Variants in ZNF521 observed in about 807,000 individuals in gnomAD.
ZNF521 encodes zinc finger protein 521, also known as LYST-interacting protein 3.
In ZNF521, 14 loss-of-function variants were observed where a neutral mutation model predicts 105.5. The ratio of observed to expected loss-of-function variants is 0.13; its 90% CI spans 0.09 to 0.21. The LOEUF is 0.21. Ranked by LOEUF, ZNF521 falls within the 10% of genes least tolerant of loss-of-function variation. The pLI is 1.00. For missense variants in ZNF521, 1,233 were observed against 1,629.7 expected (o/e 0.76, Z 4.19); for synonymous variants, 635 against 606.0 (o/e 1.05, Z -0.70).
intron 3 of ZNF521, among the ~76,000 whole-genome samples, chr18:25,262,032 T>C (rs746992484): frequency 3.5e-4 from 53 of 152,286 alleles, no homozygotes; most frequent in Non-Finnish European, 6.8e-4. Flanking sequence ...TAAGAGACAG[T>C]AGCACAATGG....
At chr18:25,203,237 T>C (rs1409556976) in intron 4 of ZNF521, among the ~76,000 whole-genome samples, 1 of 152,154 alleles carries the variant, frequency 6.6e-6, no homozygotes, top group African/African-American at 2.4e-5. Context: ...GACAGATTAA[T>C]ATGGTCTGGA....
At chr18:25,076,517 C>T (rs1389561442) in intron 7 of ZNF521, among the ~76,000 whole-genome samples, 1 of 152,120 alleles carries the variant, frequency 6.6e-6, no homozygotes, top group African/African-American at 2.4e-5. Context: ...GTGCTGGAAG[C>T]TTTTTATATC....
At chr18:25,181,576 TATTTTG>T (rs1315820366) in intron 5 of ZNF521, among the ~76,000 whole-genome samples, 3 of 152,188 alleles carry the variant, frequency 2.0e-5, no homozygotes, top group Non-Finnish European at 4.4e-5. Flanking sequence ...CCTAACCAGC[TATTTTG>T]ATCAGATGAA....
intron 3 of ZNF521, among the ~76,000 whole-genome samples, chr18:25,319,998 G>C (rs1230947484): frequency 6.6e-6 from 1 of 152,090 alleles, no homozygotes; most frequent in Admixed American, 6.5e-5. Flanking sequence ...GAAAGACAGA[G>C]GCTGAGAGAA....
chr18:25,063,646 C>T (rs1172618756), intron 7 of ZNF521, among the ~76,000 whole-genome samples: 3 of 152,086 alleles, frequency 2.0e-5, no homozygotes, highest in Non-Finnish European at 2.9e-5. Flanking sequence ...AGGCAGTTTG[C>T]TAGTTGCTGT....
At chr18:25,228,497 A>G (rs1906319461) in intron 3 of ZNF521, among the ~76,000 whole-genome samples, 1 of 152,236 alleles carries the variant, frequency 6.6e-6, no homozygotes, top group Admixed American at 6.5e-5. Context: ...TTAATAGTGT[A>G]TTTTGTTTGG....
intron 7 of ZNF521, among the ~76,000 whole-genome samples, chr18:25,065,799 C>G (rs1015922302): frequency 6.6e-6 from 1 of 152,158 alleles, no homozygotes; most frequent in Non-Finnish European, 1.5e-5. Context: ...GAACCCAAAA[C>G]AAACTGCCCA....
At chr18:25,271,691 G>T (rs1909671932) in intron 3 of ZNF521, among the ~76,000 whole-genome samples, 1 of 152,168 alleles carries the variant, frequency 6.6e-6, no homozygotes, top group South Asian at 2.1e-4. Flanking sequence ...TTAATAAATG[G>T]TGTTGGGAAA....
chr18:25,191,118 A>C (rs2035810340), intron 5 of ZNF521, among the ~76,000 whole-genome samples: 1 of 152,174 alleles, frequency 6.6e-6, no homozygotes, highest in African/African-American at 2.4e-5. Flanking sequence ...TATCTTTTAC[A>C]AAACGGGGTA....
chr18:25,327,884 C>CA lies in ZNF521; in HGVS notation c.41-5698dup, dbSNP rs756579633. On this transcript the variant is annotated intron_variant, in intron 2 of 7. Coordinates refer to ENST00000361524, the MANE Select transcript of ZNF521 (RefSeq NM_015461.3). ...AACAAACAAACACAACACAAACAAA[C>CA]AAAAAAAGCAATCGATGGGGTGGCT... is the stretch of plus-strand genomic sequence containing the variant. 5.3e-5 allele frequency among the ~76,000 whole-genome samples: 8 copies of CA among 152,040 alleles called. No individual in the cohort carries two copies. The East Asian group carries it at 1.5e-3, about 29-fold the overall frequency.
chr18:25,348,442 T>C (rs891491350), intron 2 of ZNF521, among the ~76,000 whole-genome samples: 1 of 152,196 alleles, frequency 6.6e-6, no homozygotes, highest in African/African-American at 2.4e-5. Flanking sequence ...ATAGCTCATC[T>C]ACATATGAAT....
chr18:25,256,964 A>T (rs1426299194), intron 3 of ZNF521, among the ~76,000 whole-genome samples: 4 of 152,106 alleles, frequency 2.6e-5, no homozygotes. Flanking sequence ...GGCACCACAG[A>T]TGTAGTTAAA....
At chr18:25,249,539 G>T (rs1424921453) in intron 3 of ZNF521, among the ~76,000 whole-genome samples, 1 of 151,698 alleles carries the variant, frequency 6.6e-6, no homozygotes, top group Non-Finnish European at 1.5e-5. Flanking sequence ...TTGGCTCACT[G>T]CAGCCTCTGC....
chr18:25,117,082 C>CACACACAT (rs1449131209), intron 5 of ZNF521, among the ~76,000 whole-genome samples: 3,414 of 81,224 alleles, frequency 0.042, 71 homozygotes, highest in Middle Eastern at 0.08. Flanking sequence ...CACACACACA[C>CACACACAT]ATACACACAT....
intron 3 of ZNF521, among the ~76,000 whole-genome samples, chr18:25,314,195 CAAA>C (rs886473726): frequency 6.7e-6 from 1 of 149,578 alleles, no homozygotes; most frequent in African/African-American, 2.5e-5. Context: ...AGGAAAACAG[CAAA>C]AAAAAAGGTT....
intron 5 of ZNF521, among the ~76,000 whole-genome samples, chr18:25,177,793 C>T (rs1019345025): frequency 6.6e-6 from 1 of 152,162 alleles, no homozygotes; most frequent in African/African-American, 2.4e-5. Context: ...AAGCTTTCTA[C>T]CAGCACCAAT....
At chr18:25,198,961 C>G (rs1446043685) in intron 4 of ZNF521, among the ~76,000 whole-genome samples, 1 of 151,906 alleles carries the variant, frequency 6.6e-6, no homozygotes, top group Non-Finnish European at 1.5e-5. Flanking sequence ...ATTACTCTAA[C>G]CAGACTATTT....
intron 5 of ZNF521, among the ~76,000 whole-genome samples, chr18:25,109,479 G>C (rs1429873052): frequency 6.6e-6 from 1 of 152,176 alleles, no homozygotes; most frequent in Non-Finnish European, 1.5e-5. Flanking sequence ...TAGTGGGATT[G>C]CTGGGTGGAA....
At chr18:25,219,472 A>AC (rs1905551427) in intron 4 of ZNF521, among the ~76,000 whole-genome samples, 1 of 152,196 alleles carries the variant, frequency 6.6e-6, no homozygotes. Flanking sequence ...ATGTGAGTGG[A>AC]TACGTGTAGC....
Sources: allele counts gnomAD v4.1 joint callset (sites outside exome capture counted in the v4.1 genomes callset), GRCh38; gene constraint gnomAD v4.1.1; transcripts MANE v1.5; gene names NCBI Gene and HGNC (gene_info 2026-07-23, HGNC 2026-07-21).